MAGI1: variants seen among roughly 807,000 people sequenced by gnomAD.
The protein encoded by MAGI1 is membrane-associated guanylate kinase, WW and PDZ domain-containing protein 1.
Under a neutral mutation model 139.9 loss-of-function variants are expected in MAGI1, and 58 were observed. That is an observed-to-expected ratio of 0.41 (90% CI 0.34 to 0.52). MAGI1 has a LOEUF of 0.52. Among genes scored for constraint, MAGI1 ranks in the 20% least tolerant of loss-of-function variants. The probability of loss-of-function intolerance (pLI) is 0.12; values close to 1 mark genes in which losing one functional copy is unlikely to be tolerated. For missense variants in MAGI1, 1,874 were observed against 1,901.6 expected (o/e 0.99, Z 0.27); for synonymous variants, 812 against 737.9 (o/e 1.10, Z -1.63).
At chr3:65,611,067 TGTATA>T (rs1400511979) in intron 2 of MAGI1, among the ~76,000 whole-genome samples, 3 of 133,058 alleles carry the variant, frequency 2.3e-5, no homozygotes, top group Admixed American at 8.2e-5. Flanking sequence ...ATACATATAG[TGTATA>T]GTATATGTAC....
chr3:65,885,852 G>T (rs190232635), intron 1 of MAGI1, among the ~76,000 whole-genome samples: 4 of 152,108 alleles, frequency 2.6e-5, no homozygotes, highest in Non-Finnish European at 5.9e-5. Flanking sequence ...AACACAGTAC[G>T]AAATGGTTAT....
chr3:65,907,361 C>G (rs1198539015), intron 1 of MAGI1, among the ~76,000 whole-genome samples: 1 of 152,160 alleles, frequency 6.6e-6, no homozygotes, highest in Non-Finnish European at 1.5e-5. Context: ...GTTATTTGCT[C>G]AAAGTCCTAC....
chr3:65,980,590 A>G (rs1576343784), intron 1 of MAGI1, among the ~76,000 whole-genome samples: 1 of 149,492 alleles, frequency 6.7e-6, no homozygotes, highest in East Asian at 2.0e-4. Flanking sequence ...GGCAAGATAG[A>G]GAAGTCATTG....
At chr3:65,974,980 A>T (rs2065194293) in intron 1 of MAGI1, among the ~76,000 whole-genome samples, 1 of 152,178 alleles carries the variant, frequency 6.6e-6, no homozygotes, top group South Asian at 2.1e-4. Flanking sequence ...TAAATTGCAA[A>T]GCCAGTAACA....
intron 3 of MAGI1, among the ~76,000 whole-genome samples, chr3:65,483,465 C>A (rs1323550935): frequency 6.6e-6 from 1 of 152,232 alleles, no homozygotes; most frequent in Non-Finnish European, 1.5e-5. Flanking sequence ...ACAAACCTTA[C>A]AAAGTCTAGC....
intron 5 of MAGI1, among the ~76,000 whole-genome samples, chr3:65,469,339 T>C (rs559368845): frequency 2.7e-4 from 41 of 152,300 alleles, no homozygotes; most frequent in African/African-American, 9.4e-4. Flanking sequence ...TCAGCCATTT[T>C]CTTTTTCTTT....
chr3:65,984,702 A>ATTTTTTTTTTTTTTTTT (rs869295614), intron 1 of MAGI1, among the ~76,000 whole-genome samples: 1 of 86,382 alleles, frequency 1.2e-5, no homozygotes. Flanking sequence ...TGCCTTGCTA[A>ATTTTTTTTTTTTTTTTT]TTTTTTTTTC....
chr3:65,784,100 G>A (rs1336705311), intron 1 of MAGI1, among the ~76,000 whole-genome samples: 1 of 151,310 alleles, frequency 6.6e-6, no homozygotes, highest in African/African-American at 2.4e-5. Context: ...TCCAGCCTGG[G>A]CAACAGAGTG....
chr3:65,998,280 T>C (rs1465044300), intron 1 of MAGI1, among the ~76,000 whole-genome samples: 1 of 152,110 alleles, frequency 6.6e-6, no homozygotes, highest in Admixed American at 6.6e-5. Context: ...GGCTGCAGAA[T>C]GAGACACATA....
At chr3:65,906,614 G>T (rs1452086385) in intron 1 of MAGI1, among the ~76,000 whole-genome samples, 2 of 152,102 alleles carry the variant, frequency 1.3e-5, no homozygotes, top group Non-Finnish European at 2.9e-5. Flanking sequence ...AGCTGGGTGT[G>T]GTGGCTCATG....
chr3:66,014,500 A>G (rs2107521714), intron 1 of MAGI1, among the ~76,000 whole-genome samples: 1 of 152,316 alleles, frequency 6.6e-6, no homozygotes, highest in Admixed American at 6.5e-5. Flanking sequence ...GATACCATAT[A>G]ATTTTTCAAC....
chr3:65,669,226 T>C (rs2086707344), intron 1 of MAGI1, among the ~76,000 whole-genome samples: 1 of 152,144 alleles, frequency 6.6e-6, no homozygotes, highest in Admixed American at 6.6e-5. Flanking sequence ...AAAATGGGTG[T>C]CCCTTACAGA....
At chr3:65,837,232 G>A (rs1057067516) in intron 1 of MAGI1, among the ~76,000 whole-genome samples, 3 of 152,206 alleles carry the variant, frequency 2.0e-5, no homozygotes, top group Admixed American at 1.3e-4. Flanking sequence ...AATAATTCCA[G>A]GCAAAAAGGC....
intron 2 of MAGI1, among the ~76,000 whole-genome samples, chr3:65,559,814 C>T (rs1276999597): frequency 6.6e-6 from 1 of 152,146 alleles, no homozygotes; most frequent in Non-Finnish European, 1.5e-5. Flanking sequence ...GCAGGAGGAT[C>T]CCTTGAGCTG....
intron 1 of MAGI1, among the ~76,000 whole-genome samples, chr3:65,676,030 G>T (rs1277731296): frequency 6.6e-6 from 1 of 152,218 alleles, no homozygotes; most frequent in Admixed American, 6.5e-5. Flanking sequence ...TCTCAGCAAA[G>T]AATGTAAAGA....
chr3:65,356,228 T>G lies in MAGI1; in HGVS notation c.*150A>C. ...TACTTTTCATATATATTTTTTCTTATAAGATTTCAAATGCATAAAATGTTT... is the reference window on the plus strand; with the variant it reads ...TACTTTTCATATATATTTTTTCTTAGAAGATTTCAAATGCATAAAATGTTT... On this transcript the variant is annotated 3_prime_UTR_variant, in exon 23 of 23. Coordinates refer to ENST00000402939, the MANE Select transcript of MAGI1 (RefSeq NM_001033057.2). The G allele has an allele frequency of 1.4e-6, 1 of 716,202 alleles. No homozygotes were observed. Among genetic ancestry groups the G allele is most frequent in the South Asian group, 2.9e-5 (1 of 34,894 alleles). The allele number at this position is 716,202 out of a possible 1,614,324, so 44.4% of individuals were successfully genotyped here. A position where few individuals can be genotyped will look rare whatever the true frequency, so the allele number is the denominator to read the frequency against.
At chr3:65,863,747 G>A (rs1575752139) in intron 1 of MAGI1, among the ~76,000 whole-genome samples, 4 of 152,116 alleles carry the variant, frequency 2.6e-5, no homozygotes, top group Admixed American at 1.3e-4. Flanking sequence ...TAATCTAAAC[G>A]CAACCCAAAA....
intron 1 of MAGI1, among the ~76,000 whole-genome samples, chr3:65,918,593 C>T (rs1395848663): frequency 6.6e-6 from 1 of 152,026 alleles, no homozygotes; most frequent in African/African-American, 2.4e-5. Context: ...GTTGGTCAGG[C>T]TGGTCTCAAT....
intron 1 of MAGI1, among the ~76,000 whole-genome samples, chr3:65,914,907 T>C (rs2061829115): frequency 2.0e-5 from 3 of 152,176 alleles, no homozygotes; most frequent in Non-Finnish European, 4.4e-5. Flanking sequence ...AAAATGAAGA[T>C]AATAGCACCC....
Sources: gnomAD v4.1 joint callset for allele counts (sites outside exome capture counted in the v4.1 genomes callset) on GRCh38, gnomAD v4.1.1 for gene constraint, MANE v1.5 for transcripts, NCBI Gene and HGNC (gene_info 2026-07-23, HGNC 2026-07-21) for gene names.